The following RFX3 variants were observed in gnomAD, a reference collection of about 807,000 sequenced individuals.
RFX3 encodes regulatory factor X3.
A neutral mutation model predicts 98.6 loss-of-function variants in RFX3; 14 were observed. The ratio of observed to expected loss-of-function variants is 0.14; its 90% CI spans 0.09 to 0.22. The LOEUF (loss-of-function observed/expected upper bound fraction) is 0.22, where lower values mean the gene tolerates loss of function less well. Ranked by LOEUF, RFX3 falls within the 10% of genes least tolerant of loss-of-function variation. The probability of loss-of-function intolerance (pLI) is 1.00; values close to 1 mark genes in which losing one functional copy is unlikely to be tolerated. For missense variants in RFX3, 639 were observed against 926.9 expected (o/e 0.69, Z 4.03); for synonymous variants, 383 against 328.4 (o/e 1.17, Z -1.80).
intron 1 of RFX3, among the ~76,000 whole-genome samples, chr9:3,401,334 A>G (rs1026899157): frequency 3.9e-5 from 6 of 152,196 alleles, no homozygotes; most frequent in Non-Finnish European, 8.8e-5. Context: ...TAGGCTTCCA[A>G]CATTTCTGCA....
chr9:3,493,158 AGTT>A (rs989927198), intron 1 of RFX3, among the ~76,000 whole-genome samples: 3 of 152,090 alleles, frequency 2.0e-5, no homozygotes, highest in Admixed American at 6.5e-5. Flanking sequence ...CCCACTGGCT[AGTT>A]GTTATCTACA....
chr9:3,520,881 T>G (rs1272916146), intron 1 of RFX3, among the ~76,000 whole-genome samples: 1 of 152,208 alleles, frequency 6.6e-6, no homozygotes, highest in Non-Finnish European at 1.5e-5. Flanking sequence ...AATCTTGCTA[T>G]GTTGCCCAGG....
chr9:3,348,117 T>C (rs1235420069), intron 2 of RFX3, among the ~76,000 whole-genome samples: 1 of 152,192 alleles, frequency 6.6e-6, no homozygotes, highest in African/African-American at 2.4e-5. Flanking sequence ...ATCCTTTTTA[T>C]TTCCCGCCTA....
At chr9:3,438,046 G>C (rs1321352915) in intron 1 of RFX3, among the ~76,000 whole-genome samples, 2 of 152,002 alleles carry the variant, frequency 1.3e-5, no homozygotes, top group East Asian at 3.9e-4. Context: ...ATAAACCTAA[G>C]AATACAAGCT....
chr9:3,449,031 A>G (rs1458395471), intron 1 of RFX3, among the ~76,000 whole-genome samples: 2 of 152,078 alleles, frequency 1.3e-5, no homozygotes, highest in African/African-American at 2.4e-5. Flanking sequence ...AGGCCCTTTG[A>G]GTTTACCCCC....
chr9:3,334,621 T>A (rs2991319), intron 3 of RFX3, among the ~76,000 whole-genome samples: 26,944 of 151,870 alleles, frequency 0.18, 2,457 homozygotes, highest in Middle Eastern at 0.23. Context: ...CATCACTCCA[T>A]CGTGCGACTG....
intron 16 of RFX3, among the ~76,000 whole-genome samples, chr9:3,225,997 C>T (rs531562095): frequency 9.9e-5 from 15 of 152,158 alleles, no homozygotes; most frequent in South Asian, 8.3e-4. Context: ...AATTGTAATA[C>T]GTTTTATATT....
chr9:3,344,733 G>A, intron 3 of RFX3: 1 of 603,604 alleles, frequency 1.7e-6, no homozygotes, highest in South Asian at 2.1e-5. Flanking sequence ...ACAACTGGGT[G>A]ACCTCTAGCA....
intron 4 of RFX3, among the ~76,000 whole-genome samples, chr9:3,323,161 A>C (rs908232329): frequency 6.6e-6 from 1 of 152,208 alleles, no homozygotes; most frequent in South Asian, 2.1e-4. Flanking sequence ...ATGTACTGAG[A>C]AAGTGGTAAT....
At chr9:3,453,024 T>A (rs1478218039) in intron 1 of RFX3, among the ~76,000 whole-genome samples, 2 of 152,190 alleles carry the variant, frequency 1.3e-5, no homozygotes, top group African/African-American at 4.8e-5. Context: ...TTATTTAACT[T>A]CACTAAATCC....
At chr9:3,287,871 G>T (rs1826839269) in intron 7 of RFX3, among the ~76,000 whole-genome samples, 1 of 151,926 alleles carries the variant, frequency 6.6e-6, no homozygotes, top group Non-Finnish European at 1.5e-5. Context: ...CTTATGTTTT[G>T]TGTTTCATTT....
At chr9:3,361,551 G>T (rs1836441608) in intron 2 of RFX3, among the ~76,000 whole-genome samples, 1 of 151,656 alleles carries the variant, frequency 6.6e-6, no homozygotes, top group Non-Finnish European at 1.5e-5. Context: ...TAACACTTTG[G>T]GAGGCTACGG....
At chr9:3,339,673 C>G (rs756505100) in intron 3 of RFX3, among the ~76,000 whole-genome samples, 11 of 152,150 alleles carry the variant, frequency 7.2e-5, no homozygotes, top group Non-Finnish European at 1.2e-4. Context: ...CAAACCAGGT[C>G]CCCGCCCACA....
chr9:3,271,047 A>G lies in RFX3; in HGVS notation c.1158T>C (p.Tyr386=). ...IEKLWQTFWR[Y]SPSTPTDGTT... ...TGCCATCAGTTGGAGTAGAGGGAGA[A>G]TAGCGCCAGAATGTTTGCCACAATT... is the stretch of plus-strand genomic sequence containing the variant. The change falls in exon 10 of 17, where the codon TAT becomes TAC. Residue 386 remains tyrosine (Y), a synonymous_variant. Transcript: ENST00000617270. 6.2e-7 allele frequency: 1 copy of G among 1,613,938 alleles called. No homozygotes were observed. Among genetic ancestry groups the G allele is most frequent in the African/African-American group, 1.3e-5 (1 of 75,056 alleles).
At chr9:3,340,144 C>A (rs1378681915) in intron 3 of RFX3, among the ~76,000 whole-genome samples, 6 of 152,152 alleles carry the variant, frequency 3.9e-5, no homozygotes, top group African/African-American at 9.7e-5. Context: ...CAAAAACAAG[C>A]AATGGGGAAA....
chr9:3,440,540 C>T (rs1160609826), intron 1 of RFX3, among the ~76,000 whole-genome samples: 1 of 152,044 alleles, frequency 6.6e-6, no homozygotes, highest in Non-Finnish European at 1.5e-5. Context: ...AAAAGATGTG[C>T]AAGATCTATA....
chr9:3,260,926 A>ATC (rs892536116), intron 13 of RFX3, among the ~76,000 whole-genome samples: 5 of 150,814 alleles, frequency 3.3e-5, no homozygotes, highest in African/African-American at 1.2e-4. Context: ...ATATATATAT[A>ATC]TATCTCAGAA....
At chr9:3,512,940 T>A (rs1428994080) in intron 1 of RFX3, among the ~76,000 whole-genome samples, 1 of 152,078 alleles carries the variant, frequency 6.6e-6, no homozygotes, top group African/African-American at 2.4e-5. Flanking sequence ...TATCGTTATG[T>A]CCTTTTTGTA....
At chr9:3,320,912 T>C (rs1563922214) in intron 4 of RFX3, among the ~76,000 whole-genome samples, 2 of 151,672 alleles carry the variant, frequency 1.3e-5, no homozygotes, top group Non-Finnish European at 2.9e-5. Context: ...GTTTCCAGTC[T>C]TTTTCTTTTT....
Sources: allele counts gnomAD v4.1 joint callset (sites outside exome capture counted in the v4.1 genomes callset), GRCh38; gene constraint gnomAD v4.1.1; transcripts MANE v1.5; gene names NCBI Gene and HGNC (gene_info 2026-07-23, HGNC 2026-07-21).